The following LRRC4C variants were observed in gnomAD, a reference collection of about 807,000 sequenced individuals.
The protein encoded by LRRC4C is leucine-rich repeat-containing protein 4C.
A neutral mutation model predicts 33.6 loss-of-function variants in LRRC4C; 5 were observed. The observed-to-expected ratio is 0.15, with a 90% CI of 0.08 to 0.31. The LOEUF (loss-of-function observed/expected upper bound fraction) is 0.31. Among genes scored for constraint, LRRC4C ranks in the 10% least tolerant of loss-of-function variants. LRRC4C has a pLI of 1.00. For missense variants in LRRC4C, 560 were observed against 796.7 expected (o/e 0.70, Z 3.58); for synonymous variants, 329 against 302.0 (o/e 1.09, Z -0.93).
At chr11:40,371,744 GT>G (rs1422915308) in intron 3 of LRRC4C, among the ~76,000 whole-genome samples, 1 of 152,174 alleles carries the variant, frequency 6.6e-6, no homozygotes, top group Non-Finnish European at 1.5e-5. Flanking sequence ...AATATAATAA[GT>G]GCTAGGATAG....
intron 1 of LRRC4C, among the ~76,000 whole-genome samples, chr11:41,002,220 A>G (rs1854431618): frequency 6.6e-6 from 1 of 152,212 alleles, no homozygotes; most frequent in South Asian, 2.1e-4. Flanking sequence ...AAAGAGGACT[A>G]TGCATGTAAG....
intron 1 of LRRC4C, among the ~76,000 whole-genome samples, chr11:41,136,707 G>A (rs555363782): frequency 6.6e-6 from 1 of 152,146 alleles, no homozygotes; most frequent in East Asian, 1.9e-4. Flanking sequence ...CGTTAGACTC[G>A]AGTTGCCTTT....
At chr11:40,960,767 A>G (rs886117187) in intron 1 of LRRC4C, among the ~76,000 whole-genome samples, 10 of 151,722 alleles carry the variant, frequency 6.6e-5, no homozygotes, top group African/African-American at 2.4e-4. Context: ...CCAAAGAAGC[A>G]TAGAAATTAA....
chr11:40,219,244 T>A (rs538046425), intron 5 of LRRC4C, among the ~76,000 whole-genome samples: 27 of 152,350 alleles, frequency 1.8e-4, no homozygotes, highest in African/African-American at 6.3e-4. Context: ...AATGGTCACC[T>A]GTAGCCAGTG....
intron 1 of LRRC4C, among the ~76,000 whole-genome samples, chr11:41,282,921 C>T (rs1228474364): frequency 6.6e-6 from 1 of 152,100 alleles, no homozygotes; most frequent in African/African-American, 2.4e-5. Context: ...TTTATCAAAA[C>T]AGGCTCTAAG....
At chr11:40,793,207 G>A (rs1192816039) in intron 2 of LRRC4C, among the ~76,000 whole-genome samples, 1 of 152,034 alleles carries the variant, frequency 6.6e-6, no homozygotes, top group African/African-American at 2.4e-5. Flanking sequence ...AAATGCCCTT[G>A]AGAAAATTAT....
At chr11:40,367,420 A>G (rs1457594736) in intron 3 of LRRC4C, among the ~76,000 whole-genome samples, 1 of 152,108 alleles carries the variant, frequency 6.6e-6, no homozygotes, top group Admixed American at 6.5e-5. Context: ...CCACCACTGA[A>G]TTGCATAATG....
intron 2 of LRRC4C, among the ~76,000 whole-genome samples, chr11:40,850,091 G>A (rs1236479358): frequency 6.6e-6 from 1 of 151,818 alleles, no homozygotes; most frequent in African/African-American, 2.4e-5. Flanking sequence ...CTTTAGCTCA[G>A]AAGAGTTTGT....
intron 2 of LRRC4C, among the ~76,000 whole-genome samples, chr11:40,649,666 A>C (rs1418710142): frequency 6.6e-6 from 1 of 152,240 alleles, no homozygotes; most frequent in East Asian, 1.9e-4. Context: ...ACAGGCATAA[A>C]AAATTATAAA....
At chr11:40,770,427 G>C (rs904311040) in intron 2 of LRRC4C, among the ~76,000 whole-genome samples, 5 of 152,098 alleles carry the variant, frequency 3.3e-5, no homozygotes, top group Non-Finnish European at 7.4e-5. Context: ...TTGCAATTCC[G>C]ATTACAATTC....
intron 1 of LRRC4C, among the ~76,000 whole-genome samples, chr11:41,273,425 A>T (rs955312694): frequency 1.3e-5 from 2 of 152,184 alleles, no homozygotes; most frequent in Non-Finnish European, 2.9e-5. Context: ...AAAAATAAAA[A>T]AGTCTAACCA....
chr11:40,334,369 G>A (rs892347843), intron 3 of LRRC4C, among the ~76,000 whole-genome samples: 1 of 151,984 alleles, frequency 6.6e-6, no homozygotes, highest in African/African-American at 2.4e-5. Flanking sequence ...TATCCATGAG[G>A]CCAGTAGGCT....
chr11:41,046,612 T>C (rs576450477), intron 1 of LRRC4C, among the ~76,000 whole-genome samples: 1 of 152,306 alleles, frequency 6.6e-6, no homozygotes, highest in South Asian at 2.1e-4. Context: ...TCTAATTTTG[T>C]TTCAACAAGA....
intron 2 of LRRC4C, among the ~76,000 whole-genome samples, chr11:40,766,096 A>G (rs1318709990): frequency 7.0e-6 from 1 of 143,624 alleles, no homozygotes; most frequent in South Asian, 2.2e-4. Flanking sequence ...AAAAAAAAAA[A>G]CATACAAAGG....
chr11:40,838,449 C>T (rs766676254), intron 2 of LRRC4C, among the ~76,000 whole-genome samples: 22 of 152,120 alleles, frequency 1.4e-4, no homozygotes, highest in Admixed American at 2.6e-4. Flanking sequence ...TTCATCCAAG[C>T]GGTTACCACC....
intron 1 of LRRC4C, among the ~76,000 whole-genome samples, chr11:40,968,598 A>C (rs139389091): frequency 6.6e-6 from 1 of 152,208 alleles, no homozygotes; most frequent in East Asian, 1.9e-4. Context: ...GATGAAGCTA[A>C]TGCTCATTTA....
intron 2 of LRRC4C, among the ~76,000 whole-genome samples, chr11:40,665,356 ATATATATG>A (rs1432871016): frequency 0.024 from 350 of 14,692 alleles, 15 homozygotes; most frequent in Non-Finnish European, 0.032. Context: ...ATATATATAT[ATATATATG>A]TATATATATA....
At chr11:40,502,481 G>C (rs143410839) in intron 3 of LRRC4C, among the ~76,000 whole-genome samples, 2 of 152,280 alleles carry the variant, frequency 1.3e-5, no homozygotes, top group African/African-American at 4.8e-5. Flanking sequence ...GGAGGTGAAA[G>C]GCACTTCTTA....
At chr11:41,310,935 ATAAATT>A (rs1332680898) in intron 1 of LRRC4C, among the ~76,000 whole-genome samples, 5 of 152,242 alleles carry the variant, frequency 3.3e-5, no homozygotes, top group Non-Finnish European at 7.3e-5. Context: ...TAGGCTGTAG[ATAAATT>A]TAAAAGACAA....
Sources: gnomAD v4.1 joint callset for allele counts (sites outside exome capture counted in the v4.1 genomes callset) on GRCh38, gnomAD v4.1.1 for gene constraint, MANE v1.5 for transcripts, NCBI Gene and HGNC (gene_info 2026-07-23, HGNC 2026-07-21) for gene names.